Variants in GDE1 observed in about 807,000 individuals in gnomAD.
GDE1 encodes RGS16-interacting membrane protein.
In GDE1, 24 loss-of-function variants were observed where a neutral mutation model predicts 32.2. The observed-to-expected ratio is 0.75, with a 90% confidence interval of 0.54 to 1.05. The LOEUF (loss-of-function observed/expected upper bound fraction) is 1.05, where lower values mean the gene tolerates loss of function less well. Ranked by LOEUF, GDE1 falls within the 50% of genes least tolerant of loss-of-function variation. The pLI is 0.00. For synonymous variants in GDE1, 159 were observed against 158.6 expected (o/e 1.00, Z -0.02); for missense variants, 380 against 415.0 (o/e 0.92, Z 0.73).
In GDE1 at chr16:19,502,242, G is replaced by A. The variant is rs1375386697; in HGVS notation, c.*1228C>T. The A allele has an allele frequency of 6.6e-6, 1 of 152,164 alleles. No individual in the cohort carries two copies. Among genetic ancestry groups the A allele is most frequent in the East Asian group, 1.9e-4 (1 of 5,174 alleles). 9.4% of individuals were successfully genotyped at this position (152,164 alleles called of 1,614,324 possible). A position where few individuals can be genotyped will look rare whatever the true frequency, so the allele number is the denominator to read the frequency against. On this transcript the variant is annotated 3_prime_UTR_variant, in exon 6 of 6. Transcript: ENST00000353258. ...GTAAGTGGTTTTATGAAGTACCTCAGTTCTTCATCAGTAGAAAGAGTGCTA... is the reference window on the plus strand; with the variant it reads ...GTAAGTGGTTTTATGAAGTACCTCAATTCTTCATCAGTAGAAAGAGTGCTA...
intron 2 of GDE1, 50 bp from the exon 3 acceptor site, chr16:19,510,994 C>A: frequency 2.3e-6 from 2 of 884,766 alleles, no homozygotes; most frequent in Non-Finnish European, 3.7e-6. Context: ...AACAGATAAA[C>A]TGTATTGCAA....
chr16:19,520,281 A>C (rs1969433120), intron 1 of GDE1, among the ~76,000 whole-genome samples: 1 of 152,042 alleles, frequency 6.6e-6, no homozygotes, highest in African/African-American at 2.4e-5. Flanking sequence ...TCATGCCTGT[A>C]ATCGCAGCTA....
chr16:19,512,036 CA>C (rs1969324700), intron 2 of GDE1, among the ~76,000 whole-genome samples: 2 of 152,058 alleles, frequency 1.3e-5, no homozygotes, highest in African/African-American at 2.4e-5. Context: ...CATGGGGGTG[CA>C]AGTATGCCTT....
At chr16:19,520,836 C>T (rs1969444352) in intron 1 of GDE1, among the ~76,000 whole-genome samples, 1 of 152,094 alleles carries the variant, frequency 6.6e-6, no homozygotes, top group African/African-American at 2.4e-5. Context: ...CTGAAAAGCC[C>T]TCTCTGTAAG....
intron 1 of GDE1, among the ~76,000 whole-genome samples, chr16:19,520,198 A>C (rs1001711485): frequency 6.6e-6 from 1 of 152,084 alleles, no homozygotes; most frequent in African/African-American, 2.4e-5. Flanking sequence ...GAATGAAATT[A>C]CACCCACAGT....
intron 1 of GDE1, 100 bp downstream of exon 1, chr16:19,521,604 A>C: frequency 1.5e-6 from 2 of 1,314,788 alleles, no homozygotes; most frequent in Non-Finnish European, 2.1e-6. Flanking sequence ...CGAATGAGGA[A>C]GTGGGAAGGC....
At chr16:19,505,581 G>A (rs2285658) in intron 4 of GDE1, among the ~76,000 whole-genome samples, 96,614 of 151,942 alleles carry the variant, frequency 0.64, 32,281 homozygotes, top group South Asian at 0.76. Flanking sequence ...GGATTGTGAC[G>A]AGAGAATGGG....
In GDE1 at chr16:19,502,372, ATCTTTTTTTTT is replaced by A. The variant is rs1969186516; in HGVS notation, c.*1087_*1097del. On this transcript the variant is annotated 3_prime_UTR_variant, in exon 6 of 6. Transcript: ENST00000353258. ...ACAAGATGTTCTAGAAGTTCTAGTT[ATCTTTTTTTTT>A]TTTTTTTTTTTTTTTTTTTTAAGAG... 2.9e-5 allele frequency: 3 copies of A among 101,882 alleles called. No homozygotes were observed. In the Admixed American group the frequency reaches 3.8e-4, roughly 13 times the overall value. The allele number at this position is 101,882 out of a possible 1,614,324, so 6.3% of individuals were successfully genotyped here.
chr16:19,520,331 TAC>T (rs1284707323), intron 1 of GDE1, among the ~76,000 whole-genome samples: 1 of 147,994 alleles, frequency 6.8e-6, no homozygotes, highest in African/African-American at 2.5e-5. Flanking sequence ...GAACCTGGGA[TAC>T]AGAGGTTGCA....
rs998671930 is a variant in GDE1 at position 19,502,045 on chromosome 16, G to A, written c.*1425C>T. 6.6e-6 allele frequency: 1 copy of A among 152,192 alleles called. No homozygotes were observed. The highest frequency in any genetic ancestry group is 2.1e-4 in the South Asian group (1 of 4,832). 9.4% of individuals were successfully genotyped at this position (152,192 alleles called of 1,614,324 possible). On this transcript the variant is annotated 3_prime_UTR_variant, in exon 6 of 6. Transcript: ENST00000353258. ...AAAAACAATTCAACTTCATTTTAAT[G>A]TTGCTATGTAAGTTCACAATAAAAT... is the stretch of plus-strand genomic sequence containing the variant.
chr16:19,510,766 G>A (rs1023371195), intron 3 of GDE1, 73 bp downstream of exon 3: 6 of 661,300 alleles, frequency 9.1e-6, no homozygotes, highest in Non-Finnish European at 1.6e-5. Flanking sequence ...CAAAATATAT[G>A]TAACTTCGGA....
intron 2 of GDE1, 29 bp downstream of exon 2, chr16:19,516,985 A>T (rs193069621): frequency 5.0e-6 from 8 of 1,590,968 alleles, no homozygotes; most frequent in Admixed American, 1.7e-5. Context: ...AAGCTAAAAG[A>T]TCTGTTTAAG....
In GDE1 at chr16:19,507,852, C is replaced by T. The variant is rs1288304350; in HGVS notation, c.544-73G>A. ...AGATAGCCCCAGCCAATAACTATCA[C>T]ATATTAAGTACAACCCTATGGAATA... On this transcript the variant is annotated intron_variant, in intron 3 of 5. Transcript: ENST00000353258. 15 of 718,842 alleles carry T rather than the reference C, an allele frequency of 2.1e-5. No individual in the cohort carries two copies. In the Admixed American group the frequency reaches 3.4e-4, roughly 16 times the overall value. The allele number at this position is 718,842 out of a possible 1,614,324, so 44.5% of individuals were successfully genotyped here.
At chr16:19,521,128 C>T (rs1319521854) in intron 1 of GDE1, 2 of 152,782 alleles carry the variant, frequency 1.3e-5, no homozygotes, top group African/African-American at 2.4e-5. Context: ...CATTCACACA[C>T]CAGTCTTTGT....
At chr16:19,521,601 G>C (rs1969454223) in intron 1 of GDE1, 103 bp downstream of exon 1, 2 of 1,300,448 alleles carry the variant, frequency 1.5e-6, no homozygotes, top group Non-Finnish European at 2.1e-6. Context: ...GGACGAATGA[G>C]GAAGTGGGAA....
At chr16:19,521,508 C>G in intron 1 of GDE1, 196 bp downstream of exon 1, 1 of 617,276 alleles carries the variant, frequency 1.6e-6, no homozygotes, top group South Asian at 2.0e-5. Flanking sequence ...ATATACATAT[C>G]TGCTGTCTTC....
chr16:19,509,563 TA>T (rs1969290187), intron 3 of GDE1, among the ~76,000 whole-genome samples: 1 of 152,162 alleles, frequency 6.6e-6, no homozygotes, highest in Admixed American at 6.5e-5. Flanking sequence ...ACTATCGGTT[TA>T]CTAGAATAAT....
At position 19,503,510 on chromosome 16, in the gene GDE1, A is replaced by G. The variant is rs1260639069; in HGVS notation, c.956T>C (p.Ile319Thr). The change falls in exon 6 of 6, where the codon ATC (isoleucine) becomes ACC (threonine). Residue 319 changes from isoleucine (I) to threonine (T), a missense_variant. Coordinates refer to ENST00000353258, the MANE Select transcript of GDE1 (RefSeq NM_016641.4). Reference sequence around the variant, plus strand: ...GCAGTCTTCTACCATGCTGTCAGTGATATAGCTGGAACCAAGATGGGATTC... The same window carrying G: ...GCAGTCTTCTACCATGCTGTCAGTGGTATAGCTGGAACCAAGATGGGATTC... Reference protein sequence around the residue: ...YYESHLGSSYITDSMVEDCEP... With the variant: ...YYESHLGSSYTTDSMVEDCEP... 6.2e-7 allele frequency: 1 copy of G among 1,613,728 alleles called. No individual in the cohort carries two copies. Among genetic ancestry groups the G allele is most frequent in the Non-Finnish European group, 8.5e-7 (1 of 1,179,804 alleles).
intron 5 of GDE1, chr16:19,504,372 G>A (rs1969217682): frequency 6.4e-6 from 1 of 157,412 alleles, no homozygotes; most frequent in African/African-American, 2.4e-5. Flanking sequence ...ACTGAATCAT[G>A]TATGTCTGAA....
Sources: allele counts gnomAD v4.1 joint callset (sites outside exome capture counted in the v4.1 genomes callset), GRCh38; gene constraint gnomAD v4.1.1; transcripts MANE v1.5; gene names NCBI Gene and HGNC (gene_info 2026-07-23, HGNC 2026-07-21).